TRPM3: variants seen among roughly 807,000 people sequenced by gnomAD.
The protein encoded by TRPM3 is long transient receptor potential channel 3.
Under a neutral mutation model 181.2 loss-of-function variants are expected in TRPM3, and 77 were observed. The observed-to-expected ratio is 0.42, with a 90% confidence interval of 0.35 to 0.51. The LOEUF (loss-of-function observed/expected upper bound fraction) is 0.51, where lower values mean the gene tolerates loss of function less well. Ranked by LOEUF, TRPM3 falls within the 20% of genes least tolerant of loss-of-function variation. The probability of loss-of-function intolerance (pLI) is 0.01; values close to 1 mark genes in which losing one functional copy is unlikely to be tolerated. For missense variants in TRPM3, 1,759 were observed against 2,196.7 expected, an observed-to-expected ratio of 0.80 and a Z score of 3.98; for synonymous variants, 745 against 796.4, an observed-to-expected ratio of 0.94 and a Z score of 1.09.
chr9:70,619,576 G>A (rs547701983), intron 16 of TRPM3, among the ~76,000 whole-genome samples: 1 of 151,672 alleles, frequency 6.6e-6, no homozygotes, highest in African/African-American at 2.4e-5. Flanking sequence ...ATCACACCCA[G>A]CTAATTTTTA....
chr9:71,054,339 C>G (rs2060416952), intron 1 of TRPM3, among the ~76,000 whole-genome samples: 1 of 152,056 alleles, frequency 6.6e-6, no homozygotes, highest in Non-Finnish European at 1.5e-5. Flanking sequence ...TGCTATGAAA[C>G]TCTATTCCCC....
chr9:70,919,538 C>G (rs936967743), intron 1 of TRPM3, among the ~76,000 whole-genome samples: 1 of 152,214 alleles, frequency 6.6e-6, no homozygotes, highest in Non-Finnish European at 1.5e-5. Flanking sequence ...AATCCCAGCA[C>G]TTTGGGACGC....
At chr9:70,944,047 T>C (rs1480861796) in intron 1 of TRPM3, among the ~76,000 whole-genome samples, 1 of 152,206 alleles carries the variant, frequency 6.6e-6, no homozygotes, top group Non-Finnish European at 1.5e-5. Flanking sequence ...CCTCCCAAAG[T>C]GCTGGAACTA....
chr9:71,202,772 C>T lies in TRPM3; in HGVS notation c.183+243881G>A, dbSNP rs2078887810. 2.0e-5 allele frequency among the ~76,000 whole-genome samples: 3 copies of T among 152,278 alleles called. No individual in the cohort carries two copies. In the Middle Eastern group the frequency reaches 0.01, roughly 518 times the overall value. ...TGCCAACTATGTCACTTATAAAACC[C>T]TTTGCTCCTCTGTATCTTTATCAGT... On this transcript the variant is annotated intron_variant, in intron 1 of 24. Coordinates refer to the TRPM3 transcript ENST00000357533.
chr9:71,283,634 T>C lies in TRPM3; in HGVS notation c.183+163019A>G, dbSNP rs7039028. Among the ~76,000 whole-genome samples, 175 of 152,316 alleles carry C rather than the reference T, an allele frequency of 1.1e-3. 2 individuals are homozygous for C. The highest frequency in any genetic ancestry group is 4.2e-3 in the African/African-American group (173 of 41,578). ...CTTTTTAAAGCTAAATCGTATCCCA[T>C]TGTATTTATATACCACGTTTTGTTT... On this transcript the variant is annotated intron_variant, in intron 1 of 24. Coordinates refer to the TRPM3 transcript ENST00000357533.
intron 1 of TRPM3, among the ~76,000 whole-genome samples, chr9:71,315,426 A>C (rs2088474783): frequency 6.6e-6 from 1 of 152,148 alleles, no homozygotes; most frequent in Non-Finnish European, 1.5e-5. Context: ...AACTTCCCAT[A>C]CATTTGAAAC....
intron 1 of TRPM3, among the ~76,000 whole-genome samples, chr9:71,087,569 G>A (rs2065482258): frequency 6.6e-6 from 1 of 152,058 alleles, no homozygotes; most frequent in Admixed American, 6.6e-5. Context: ...GTAGAACCCA[G>A]CAGTGAAACT....
chr9:71,068,606 C>G (rs1460843072), intron 1 of TRPM3, among the ~76,000 whole-genome samples: 1 of 152,110 alleles, frequency 6.6e-6, no homozygotes, highest in Non-Finnish European at 1.5e-5. Flanking sequence ...GGTGTATGCT[C>G]AAAATAATGA....
intron 1 of TRPM3, among the ~76,000 whole-genome samples, chr9:70,914,513 G>A (rs1022404549): frequency 6.6e-6 from 1 of 152,250 alleles, no homozygotes; most frequent in South Asian, 2.1e-4. Context: ...GATGGACGCT[G>A]AAGCAGAACA....
chr9:71,051,746 G>C (rs982557787), intron 1 of TRPM3, among the ~76,000 whole-genome samples: 1 of 152,088 alleles, frequency 6.6e-6, no homozygotes, highest in African/African-American at 2.4e-5. Context: ...TCATCTAGGG[G>C]AATATGAGGA....
chr9:70,934,609 G>T (rs1210781554), intron 1 of TRPM3, among the ~76,000 whole-genome samples: 2 of 152,102 alleles, frequency 1.3e-5, no homozygotes, highest in African/African-American at 2.4e-5. Flanking sequence ...ATCTTACAGG[G>T]TTATGAAGAT....
intron 6 of TRPM3, among the ~76,000 whole-genome samples, chr9:70,822,067 C>T (rs1321723089): frequency 6.6e-6 from 1 of 152,218 alleles, no homozygotes; most frequent in African/African-American, 2.4e-5. Flanking sequence ...AGCCAATAAG[C>T]TCCTGTATTA....
intron 5 of TRPM3, among the ~76,000 whole-genome samples, chr9:70,836,044 A>G (rs1030372269): frequency 2.6e-5 from 4 of 152,158 alleles, no homozygotes; most frequent in Middle Eastern, 3.2e-3. Flanking sequence ...AAATGTGAAT[A>G]TTATTTTAGT....
chr9:71,299,437 A>T (rs2086578975), intron 1 of TRPM3, among the ~76,000 whole-genome samples: 1 of 152,066 alleles, frequency 6.6e-6, no homozygotes, highest in Admixed American at 6.6e-5. Context: ...GAGGGAATTG[A>T]AACTGAGAAA....
At chr9:70,940,943 C>A (rs144341210) in intron 1 of TRPM3, among the ~76,000 whole-genome samples, 1 of 152,310 alleles carries the variant, frequency 6.6e-6, no homozygotes, top group Non-Finnish European at 1.5e-5. Context: ...ATTAAGATTT[C>A]TCTTTAAAAT....
chr9:71,262,715 C>T (rs568693680), intron 1 of TRPM3, among the ~76,000 whole-genome samples: 8 of 152,178 alleles, frequency 5.3e-5, no homozygotes, highest in African/African-American at 9.7e-5. Context: ...GTGGGAAAAG[C>T]GTAGTATCTG....
chr9:70,541,408 C>T (rs1372455479), intron 25 of TRPM3, among the ~76,000 whole-genome samples: 2 of 151,994 alleles, frequency 1.3e-5, no homozygotes, highest in Admixed American at 6.5e-5. Flanking sequence ...AGGTCATGGA[C>T]CTAGCTGATA....
chr9:71,322,526 C>A (rs1257491596), intron 1 of TRPM3, among the ~76,000 whole-genome samples: 1 of 152,052 alleles, frequency 6.6e-6, no homozygotes, highest in African/African-American at 2.4e-5. Flanking sequence ...TTAGACTATA[C>A]CAGCATGCTC....
At chr9:71,270,613 T>C (rs1186118032) in intron 1 of TRPM3, among the ~76,000 whole-genome samples, 1 of 152,148 alleles carries the variant, frequency 6.6e-6, no homozygotes, top group African/African-American at 2.4e-5. Context: ...TTGCAATTAT[T>C]CTGGCCTCAG....
Sources: gnomAD v4.1 joint callset for allele counts (sites outside exome capture counted in the v4.1 genomes callset) on GRCh38, gnomAD v4.1.1 for gene constraint, MANE v1.5 for transcripts, NCBI Gene and HGNC (gene_info 2026-07-23, HGNC 2026-07-21) for gene names.